SNRPN: variants seen among roughly 807,000 people sequenced by gnomAD.
SNRPN encodes the protein small nuclear ribonucleoprotein polypeptide N.
A neutral mutation model predicts 25.2 loss-of-function variants in SNRPN; 7 were observed. The ratio of observed to expected loss-of-function variants is 0.28; its 90% CI spans 0.16 to 0.52. The LOEUF (loss-of-function observed/expected upper bound fraction) is 0.52. SNRPN is among the 20% of genes least tolerant of loss of function. SNRPN has a pLI of 0.96. For synonymous variants in SNRPN, 124 were observed against 110.6 expected, an observed-to-expected ratio of 1.12 and a Z score of -0.76; for missense variants, 196 against 322.5, an observed-to-expected ratio of 0.61 and a Z score of 3.00.
intron 1 of SNRPN, among the ~76,000 whole-genome samples, chr15:24,960,485 A>G (rs1385153927): frequency 6.6e-6 from 1 of 151,468 alleles, no homozygotes; most frequent in Non-Finnish European, 1.5e-5. Flanking sequence ...TACCACAGGC[A>G]TGCACCACCA....
upstream of SNRPN, among the ~76,000 whole-genome samples, chr15:24,953,467 G>A (rs2062439953): frequency 6.6e-6 from 1 of 152,124 alleles, no homozygotes; most frequent in Non-Finnish European, 1.5e-5. Flanking sequence ...AAGATTACAG[G>A]CATGTGCCAT....
chr15:24,859,421 T>C (rs899135146), intron 1 of SNRPN, among the ~76,000 whole-genome samples: 1 of 152,196 alleles, frequency 6.6e-6, no homozygotes, highest in African/African-American at 2.4e-5. Flanking sequence ...GAAGCATTCC[T>C]GCAGGATGAG....
intron 2 of SNRPN, among the ~76,000 whole-genome samples, chr15:24,913,405 C>T (rs1027573571): frequency 2.0e-5 from 3 of 151,942 alleles, no homozygotes; most frequent in Non-Finnish European, 2.9e-5. Context: ...CACTTTGGGA[C>T]GACAAGGTGG....
At chr15:24,895,173 A>G (rs1160250504) in intron 2 of SNRPN, among the ~76,000 whole-genome samples, 1 of 152,164 alleles carries the variant, frequency 6.6e-6, no homozygotes, top group African/African-American at 2.4e-5. Context: ...TCCTCTGGGT[A>G]AAGCGTGGCA....
intron 1 of SNRPN, among the ~76,000 whole-genome samples, chr15:24,880,531 A>C (rs2056475422): frequency 6.6e-6 from 1 of 152,116 alleles, no homozygotes; most frequent in Non-Finnish European, 1.5e-5. Context: ...CTTAGTCCTC[A>C]AACAGCTGTT....
At chr15:24,875,609 A>C (rs2055778435) in intron 1 of SNRPN, among the ~76,000 whole-genome samples, 1 of 152,094 alleles carries the variant, frequency 6.6e-6, no homozygotes, top group South Asian at 2.1e-4. Context: ...CCCCCATTGA[A>C]CTTTAATATG....
At chr15:24,827,330 C>T (rs529063356) in intron 1 of SNRPN, among the ~76,000 whole-genome samples, 4 of 148,062 alleles carry the variant, frequency 2.7e-5, no homozygotes, top group South Asian at 4.3e-4. Context: ...CTGGCTAACA[C>T]GGTGAAACAC....
At chr15:24,859,164 G>A (rs1004901529) in intron 1 of SNRPN, among the ~76,000 whole-genome samples, 1 of 152,312 alleles carries the variant, frequency 6.6e-6, no homozygotes, top group African/African-American at 2.4e-5. Flanking sequence ...AGACTCTTGT[G>A]CCCCTTTGTT....
At chr15:24,976,461 A>G in intron 6 of SNRPN, 45 bp downstream of exon 6, 2 of 1,269,222 alleles carry the variant, frequency 1.6e-6, no homozygotes, top group Non-Finnish European at 2.3e-6. Flanking sequence ...TTGCAGGGAC[A>G]TCATATTATG....
upstream of SNRPN, among the ~76,000 whole-genome samples, chr15:24,854,602 C>A (rs2053206332): frequency 6.6e-6 from 1 of 152,154 alleles, no homozygotes. Flanking sequence ...TATCTTCCTT[C>A]TCAATAGATT....
chr15:24,928,216 A>G (rs1228732530), intron 3 of SNRPN, among the ~76,000 whole-genome samples: 1 of 152,172 alleles, frequency 6.6e-6, no homozygotes, highest in Non-Finnish European at 1.5e-5. Context: ...TGAACCAGCA[A>G]TTCCACTACT....
intron 2 of SNRPN, among the ~76,000 whole-genome samples, chr15:24,964,540 C>A (rs553684053): frequency 1.3e-5 from 2 of 152,120 alleles, no homozygotes; most frequent in South Asian, 2.1e-4. Context: ...ATGATCCGCC[C>A]GCCTTGGTTT....
intron 2 of SNRPN, among the ~76,000 whole-genome samples, chr15:24,834,751 C>CTCTCTCTCTCTCTCTCTCTCTATATATA: frequency 1.6e-5 from 1 of 60,954 alleles, no homozygotes; most frequent in Non-Finnish European, 3.3e-5. Context: ...CTCTCTCTCT[C>CTCTCTCTCTCTCTCTCTCTCTATATATA]TATATATATA....
At chr15:24,876,908 A>G (rs2055955952) in intron 1 of SNRPN, among the ~76,000 whole-genome samples, 1 of 152,170 alleles carries the variant, frequency 6.6e-6, no homozygotes, top group African/African-American at 2.4e-5. Flanking sequence ...GGAAGCTAGA[A>G]ATATATACCA....
chr15:24,864,226 C>T (rs1440925978), intron 1 of SNRPN, among the ~76,000 whole-genome samples: 1 of 140,272 alleles, frequency 7.1e-6, no homozygotes, highest in African/African-American at 3.0e-5. Context: ...GACGGGGTTT[C>T]ACCATGTTAG....
intron 2 of SNRPN, among the ~76,000 whole-genome samples, chr15:24,899,893 T>C (rs2058339760): frequency 6.6e-6 from 1 of 152,226 alleles, no homozygotes; most frequent in South Asian, 2.1e-4. Context: ...CTGAAAGAAT[T>C]AATGCTGGCA....
chr15:24,837,517 C>T lies in SNRPN; in HGVS notation c.-579+7612C>T, dbSNP rs1025575610. On this transcript the variant is annotated intron_variant, in intron 2 of 12. Transcript: ENST00000400100. ...CCGAGTAGCTGGGACTACAGGCGCCCACCACCATGCCTGGCTAATTTTTTT... is the reference window on the plus strand; with the variant it reads ...CCGAGTAGCTGGGACTACAGGCGCCTACCACCATGCCTGGCTAATTTTTTT... Among the ~76,000 whole-genome samples, 10 of 151,284 alleles carry T rather than the reference C, an allele frequency of 6.6e-5. No individual in the cohort carries two copies. In the South Asian group the frequency reaches 1.3e-3, roughly 19 times the overall value.
intron 2 of SNRPN, among the ~76,000 whole-genome samples, chr15:24,841,273 A>T (rs1450295491): frequency 3.9e-5 from 6 of 151,980 alleles, no homozygotes; most frequent in Admixed American, 1.3e-4. Context: ...GCAGGAGTGG[A>T]TACGGCCCAC....
intron 3 of SNRPN, among the ~76,000 whole-genome samples, chr15:24,925,292 A>G (rs2060302520): frequency 6.6e-6 from 1 of 152,096 alleles, no homozygotes; most frequent in Non-Finnish European, 1.5e-5. Flanking sequence ...ATAAGCTATA[A>G]GCTTTTTTTT....
Sources: allele counts gnomAD v4.1 joint callset (sites outside exome capture counted in the v4.1 genomes callset), GRCh38; gene constraint gnomAD v4.1.1; transcripts MANE v1.5; gene names NCBI Gene and HGNC (gene_info 2026-07-23, HGNC 2026-07-21).